Variants in BATF observed in about 807,000 individuals in gnomAD.
The protein encoded by BATF is basic leucine zipper ATF-like transcription factor.
BATF carries 5 observed loss-of-function variants against 13.7 expected under a neutral mutation model. The observed-to-expected ratio is 0.36, with a 90% CI of 0.19 to 0.77. The LOEUF is 0.77. BATF is among the 30% of genes least tolerant of loss of function. The probability of loss-of-function intolerance (pLI) is 0.51; values close to 1 mark genes in which losing one functional copy is unlikely to be tolerated. For synonymous variants in BATF, 72 were observed against 67.5 expected (o/e 1.07, Z -0.33); for missense variants, 124 against 163.0 (o/e 0.76, Z 1.30).
chr14:75,543,538 T>C (rs1887935188), intron 2 of BATF, among the ~76,000 whole-genome samples: 1 of 152,208 alleles, frequency 6.6e-6, no homozygotes, highest in African/African-American at 2.4e-5. Flanking sequence ...CTCATGCACC[T>C]GATGGATTCG....
chr14:75,546,845 C>G lies in BATF; in HGVS notation c.*174C>G, dbSNP rs918318770. 7 of 928,116 alleles carry G rather than the reference C, an allele frequency of 7.5e-6. No individual in the cohort carries two copies. The African/African-American group carries it at 1.1e-4, about 15-fold the overall frequency. The allele number at this position is 928,116 out of a possible 1,614,324, so 57.5% of individuals were successfully genotyped here. ...GGCGTGAGGCCTCCCAGCAGTGCCG[C>G]AGCGTTTCGAGGGGCGTGTGCTGGA... On this transcript the variant is annotated 3_prime_UTR_variant, in exon 3 of 3. Coordinates refer to ENST00000286639, the MANE Select transcript of BATF (RefSeq NM_006399.5).
Position 75,522,826 on chromosome 14 carries a change from A to G in BATF, c.63+81A>G, listed in dbSNP as rs1392226216. ...AGAGCCAGGCTTCCTTGTCCTGCCC[A>G]GGGAGCTGAGGATGGAGGAAGTGGC... On this transcript the variant is annotated intron_variant, in intron 1 of 2. Transcript: ENST00000286639. 6 of 1,563,616 alleles carry G rather than the reference A, an allele frequency of 3.8e-6. No individual in the cohort carries two copies. In the East Asian group the frequency reaches 1.4e-4, roughly 35 times the overall value.
intron 2 of BATF, among the ~76,000 whole-genome samples, chr14:75,544,656 G>T (rs977095836): frequency 1.3e-5 from 2 of 151,906 alleles, no homozygotes; most frequent in African/African-American, 4.8e-5. Context: ...TTTAGGATGG[G>T]CCTGAAATTC....
At chr14:75,545,533 C>T (rs1887969424) in intron 2 of BATF, among the ~76,000 whole-genome samples, 2 of 151,868 alleles carry the variant, frequency 1.3e-5, no homozygotes, top group South Asian at 4.2e-4. Flanking sequence ...CCGCACCTGG[C>T]CCCATTTACT....
At chr14:75,534,674 G>A (rs917788900) in intron 2 of BATF, among the ~76,000 whole-genome samples, 1 of 152,184 alleles carries the variant, frequency 6.6e-6, no homozygotes, top group African/African-American at 2.4e-5. Flanking sequence ...AAGCTAATTG[G>A]CAACAAGTAA....
intron 2 of BATF, among the ~76,000 whole-genome samples, chr14:75,531,373 A>T (rs1887730662): frequency 1.3e-5 from 2 of 152,254 alleles, no homozygotes; most frequent in African/African-American, 4.8e-5. Context: ...TCAATTAAGA[A>T]GCTTTATTCA....
At chr14:75,526,256 TG>T (rs1887653118) in intron 2 of BATF, among the ~76,000 whole-genome samples, 1 of 152,202 alleles carries the variant, frequency 6.6e-6, no homozygotes, top group African/African-American at 2.4e-5. Flanking sequence ...GCCCCCAGTA[TG>T]GTTCTTGTTC....
intron 2 of BATF, 61 bp downstream of exon 2, chr14:75,525,249 G>T: frequency 6.6e-7 from 1 of 1,512,668 alleles, no homozygotes; most frequent in East Asian, 2.4e-5. Context: ...CGCCATCTGG[G>T]AACCCTTGGA....
rs200291667 is a variant in BATF at position 75,546,294 on chromosome 14, T to C, written c.169-168T>C. Among the ~76,000 whole-genome samples, 6 of 152,076 alleles carry C rather than the reference T, an allele frequency of 3.9e-5. No individual in the cohort carries two copies. In the East Asian group the frequency reaches 1.2e-3, roughly 29 times the overall value. ...ACGCGCCCATACACACCTACAAACA[T>C]ATATACACTTGTGCACACATTCACA... is the stretch of plus-strand genomic sequence containing the variant. On this transcript the variant is annotated intron_variant, in intron 2 of 2. Transcript: ENST00000286639.
intron 2 of BATF, among the ~76,000 whole-genome samples, chr14:75,525,753 A>G (rs1340666795): frequency 6.6e-6 from 1 of 151,734 alleles, no homozygotes; most frequent in African/African-American, 2.4e-5. Flanking sequence ...GGAGGGCTCA[A>G]GGGGTGGGAG....
chr14:75,522,919 G>C lies in BATF; in HGVS notation c.63+174G>C, dbSNP rs143371989. Among the ~76,000 whole-genome samples the C allele has an allele frequency of 8.2e-4, 125 of 152,298 alleles. 1 individual carries two copies. The highest frequency in any genetic ancestry group is 2.9e-3 in the African/African-American group (121 of 41,554). Reference sequence around the variant, plus strand: ...CTACTAAGCTGTGCATATTGGCAGAGATCCTCATCCTTCCACCCATTCTGC... The same window carrying C: ...CTACTAAGCTGTGCATATTGGCAGACATCCTCATCCTTCCACCCATTCTGC... On this transcript the variant is annotated intron_variant, in intron 1 of 2. Transcript: ENST00000286639.
intron 2 of BATF, among the ~76,000 whole-genome samples, chr14:75,528,258 C>T (rs1447645934): frequency 6.6e-6 from 1 of 152,196 alleles, no homozygotes; most frequent in Non-Finnish European, 1.5e-5. Context: ...GGACCACATT[C>T]CTATTAGGGT....
At chr14:75,522,879 A>G in intron 1 of BATF, 134 bp downstream of exon 1, 1 of 1,039,850 alleles carries the variant, frequency 9.6e-7, no homozygotes, top group East Asian at 2.6e-5. Flanking sequence ...TGTTAGACTT[A>G]GGACATGGAA....
At chr14:75,536,722 TTAAAA>T (rs56280822) in intron 2 of BATF, among the ~76,000 whole-genome samples, 2,814 of 125,794 alleles carry the variant, frequency 0.022, 105 homozygotes, top group African/African-American at 0.078. Flanking sequence ...GATCCTGTCT[TTAAAA>T]TAAAATAAAA....
intron 2 of BATF, among the ~76,000 whole-genome samples, chr14:75,541,790 A>G (rs1887900279): frequency 6.6e-6 from 1 of 152,080 alleles, no homozygotes; most frequent in Non-Finnish European, 1.5e-5. Context: ...CAGCCTCCGG[A>G]GTTGCTGGGA....
Position 75,546,493 on chromosome 14 carries a change from C to T in BATF, c.200C>T (p.Ala67Val). 6.2e-7 allele frequency: 1 copy of T among 1,614,202 alleles called. No homozygotes were observed. The highest frequency in any genetic ancestry group is 8.5e-7 in the Non-Finnish European group (1 of 1,180,036). The change falls in exon 3 of 3, where the codon GCT becomes GTT. Residue 67 changes from alanine to valine, a missense_variant. Coordinates refer to ENST00000286639, the MANE Select transcript of BATF (RefSeq NM_006399.5). ...ESEDLEKQNA[A>V]LRKEIKQLTE... ...GAAGACCTGGAGAAACAGAACGCGG[C>T]TCTACGCAAGGAGATCAAGCAGCTC...
intron 2 of BATF, among the ~76,000 whole-genome samples, chr14:75,545,649 G>A (rs1171749115): frequency 6.6e-6 from 1 of 151,948 alleles, no homozygotes; most frequent in Non-Finnish European, 1.5e-5. Context: ...TGGAAAACAC[G>A]TGGCATAACA....
chr14:75,533,566 A>G lies in BATF; in HGVS notation c.168+8378A>G, dbSNP rs977414463. Among the ~76,000 whole-genome samples the G allele has an allele frequency of 2.0e-4, 31 of 152,100 alleles. 1 individual carries two copies. Among genetic ancestry groups the G allele is most frequent in the Admixed American group, 2.0e-3 (31 of 15,282 alleles). On this transcript the variant is annotated intron_variant, in intron 2 of 2. Coordinates refer to ENST00000286639, the MANE Select transcript of BATF (RefSeq NM_006399.5). ...ACCCAGACTTCCTTCTCTTGAGCAGAATGGGAGTCTCCCCAGAGTGCCCTT... is the reference window on the plus strand; with the variant it reads ...ACCCAGACTTCCTTCTCTTGAGCAGGATGGGAGTCTCCCCAGAGTGCCCTT...
chr14:75,540,319 C>T (rs1325637843), intron 2 of BATF, among the ~76,000 whole-genome samples: 1 of 152,106 alleles, frequency 6.6e-6, no homozygotes, highest in Non-Finnish European at 1.5e-5. Context: ...CTAAGCCCCT[C>T]CAGTAGGGGA....
Sources: allele counts gnomAD v4.1 joint callset (sites outside exome capture counted in the v4.1 genomes callset), GRCh38; gene constraint gnomAD v4.1.1; transcripts MANE v1.5; gene names NCBI Gene and HGNC (gene_info 2026-07-23, HGNC 2026-07-21).